The following NXN variants were observed in gnomAD, a reference collection of about 807,000 sequenced individuals.
NXN encodes the protein nucleoredoxin, also known as nucleoredoxin 1.
Under a neutral mutation model 48.6 loss-of-function variants are expected in NXN, and 16 were observed. The ratio of observed to expected loss-of-function variants is 0.33; its 90% CI spans 0.22 to 0.50. NXN has a LOEUF of 0.50. NXN is among the 20% of genes least tolerant of loss of function. The probability of loss-of-function intolerance (pLI) is 0.98; values close to 1 mark genes in which losing one functional copy is unlikely to be tolerated. For synonymous variants in NXN, 281 were observed against 269.6 expected (o/e 1.04, Z -0.41); for missense variants, 492 against 605.5 (o/e 0.81, Z 1.97).
At chr17:910,306 G>T (rs1295960272) in intron 1 of NXN, among the ~76,000 whole-genome samples, 1 of 151,992 alleles carries the variant, frequency 6.6e-6, no homozygotes, top group Admixed American at 6.6e-5. Flanking sequence ...CAGCTACTCA[G>T]AAGGCTGAGG....
At chr17:906,442 T>C (rs960766399) in intron 1 of NXN, among the ~76,000 whole-genome samples, 7 of 152,206 alleles carry the variant, frequency 4.6e-5, no homozygotes, top group African/African-American at 1.7e-4. Context: ...CACTTAACCT[T>C]CTTGAGCTTG....
At chr17:904,428 C>T (rs1176588129) in intron 1 of NXN, among the ~76,000 whole-genome samples, 1 of 101,842 alleles carries the variant, frequency 9.8e-6, no homozygotes, top group African/African-American at 3.8e-5. Flanking sequence ...GCCTCTTTTC[C>T]GAGGGCTGTA....
intron 1 of NXN, among the ~76,000 whole-genome samples, chr17:836,388 CGT>C (rs747844094): frequency 9.8e-5 from 15 of 152,328 alleles, no homozygotes; most frequent in Non-Finnish European, 2.1e-4. Flanking sequence ...CTCGGGCAAA[CGT>C]CACCCCTGCC....
At chr17:896,615 A>C (rs2068489175) in intron 1 of NXN, among the ~76,000 whole-genome samples, 1 of 152,248 alleles carries the variant, frequency 6.6e-6, no homozygotes, top group Non-Finnish European at 1.5e-5. Flanking sequence ...TCGTGTTTCA[A>C]CTTCGCTTTA....
chr17:896,600 C>T lies in NXN; in HGVS notation c.361-70522G>A, dbSNP rs114862326. 3.1e-3 allele frequency among the ~76,000 whole-genome samples: 478 copies of T among 152,314 alleles called. 3 individuals are homozygous for T. The highest frequency in any genetic ancestry group is 0.011 in the African/African-American group (458 of 41,566). On this transcript the variant is annotated intron_variant, in intron 1 of 7. Transcript: ENST00000336868. ...TATAAACTTACCAGACGTTAACTAT[C>T]GTCTTCGTGTTTCAACTTCGCTTTA...
chr17:965,154 GC>G (rs1229406586), intron 1 of NXN, among the ~76,000 whole-genome samples: 1 of 152,178 alleles, frequency 6.6e-6, no homozygotes, highest in Non-Finnish European at 1.5e-5. Context: ...CTCCACACAT[GC>G]CCAGCAGATA....
At chr17:946,271 C>T (rs1350401450) in intron 1 of NXN, among the ~76,000 whole-genome samples, 2 of 150,574 alleles carry the variant, frequency 1.3e-5, no homozygotes, top group Middle Eastern at 3.4e-3. Context: ...CGGGTTCAAG[C>T]GATTCTCCTG....
chr17:914,152 AGCCTCCC>A (rs2068662637), intron 1 of NXN, among the ~76,000 whole-genome samples: 1 of 48,568 alleles, frequency 2.1e-5, no homozygotes, highest in Non-Finnish European at 6.0e-5. Context: ...CACCTACCTC[AGCCTCCC>A]AAAGTGCTGG....
intron 5 of NXN, among the ~76,000 whole-genome samples, chr17:812,665 T>G (rs1567812503): frequency 7.0e-6 from 1 of 143,232 alleles, no homozygotes; most frequent in Non-Finnish European, 1.5e-5. Context: ...TGACTGTAGG[T>G]GTGTGTGAGT....
chr17:919,358 TCTCAAAA>T lies in NXN; in HGVS notation c.360+59954_360+59960del, dbSNP rs2068722212. ...AGCCTGGTGACAGAGTGAGACTCTG[TCTCAAAA>T]CAAAACAAAAAAAAGGTTCTGGAAT... is the stretch of plus-strand genomic sequence containing the variant. On this transcript the variant is annotated intron_variant, in intron 1 of 7. Coordinates refer to ENST00000336868, the MANE Select transcript of NXN (RefSeq NM_022463.5). This position sits in a 1 kb window ranked among gnomAD's most constrained non-coding sequence, Gnocchi z 5.1. 6.9e-6 allele frequency among the ~76,000 whole-genome samples: 1 copy of T among 144,106 alleles called. No individual in the cohort carries two copies. Among genetic ancestry groups the T allele is most frequent in the Admixed American group, 7.1e-5 (1 of 14,096 alleles). The allele number at this position is 144,106 out of a possible 152,430, so 94.5% of individuals were successfully genotyped here.
Position 941,405 on chromosome 17 carries a change from C to T in NXN, c.360+37914G>A, listed in dbSNP as rs536713593. Among the ~76,000 whole-genome samples, 9 of 147,434 alleles carry T rather than the reference C, an allele frequency of 6.1e-5. No individual in the cohort carries two copies. In the South Asian group the frequency reaches 1.7e-3, roughly 28 times the overall value. On this transcript the variant is annotated intron_variant, in intron 1 of 7. Transcript: ENST00000336868. Reference sequence around the variant, plus strand: ...CAGCCATGAATTCACCAAACACCTCCCTGGATTTACAGCGAACAAGATTCC... The same window carrying T: ...CAGCCATGAATTCACCAAACACCTCTCTGGATTTACAGCGAACAAGATTCC...
intron 1 of NXN, among the ~76,000 whole-genome samples, chr17:950,589 A>G (rs965531): frequency 0.043 from 6,415 of 149,090 alleles, 301 homozygotes; most frequent in African/African-American, 0.12. Flanking sequence ...GCAAACGGCC[A>G]GGCCAGCACA....
rs201744524 is a variant in NXN at position 937,227 on chromosome 17, G to C, written c.360+42092C>G. Among the ~76,000 whole-genome samples, 103 of 152,066 alleles carry C rather than the reference G, an allele frequency of 6.8e-4. 1 individual carries two copies. The East Asian group carries it at 0.015, about 22-fold the overall frequency. ...TCAAACTACTGAGCTCGGGTGATCC[G>C]CCCGCCTCGGCCTCCCAAGGTGCTG... On this transcript the variant is annotated intron_variant, in intron 1 of 7. Coordinates refer to ENST00000336868, the MANE Select transcript of NXN (RefSeq NM_022463.5).
At chr17:855,881 T>C (rs1460037113) in intron 1 of NXN, among the ~76,000 whole-genome samples, 1 of 151,890 alleles carries the variant, frequency 6.6e-6, no homozygotes, top group Non-Finnish European at 1.5e-5. Context: ...AGCCGGCCCC[T>C]GGGGGAGATG....
chr17:906,518 G>A lies in NXN; in HGVS notation c.360+72801C>T, dbSNP rs12603160. Among the ~76,000 whole-genome samples, 2,425 of 151,814 alleles carry A rather than the reference G, an allele frequency of 0.016. 137 individuals carry two copies. The East Asian group carries it at 0.21, about 13-fold the overall frequency. ...CAACTTCCTCACAAGGCTGTCTCGA[G>A]GCTCATGTATTATAATGCAGAAGGA... On this transcript the variant is annotated intron_variant, in intron 1 of 7. Transcript: ENST00000336868.
Position 979,615 on chromosome 17 carries a change from C to G in NXN, c.64G>C (p.Asp22His). ...CCGCGGGCGCCCAGCGAGTGCACGTCCACCTCCTCGCCGCCGCCCGTCACC... is the reference window on the plus strand; with the variant it reads ...CCGCGGGCGCCCAGCGAGTGCACGTGCACCTCCTCGCCGCCGCCCGTCACC... ...KLVTGGGEEV[D>H]VHSLGARGIS... The change falls in exon 1 of 8, where the codon GAC (aspartate) becomes CAC (histidine). Residue 22 changes from aspartate to histidine, a missense_variant. Asp to His is a moderately conservative substitution (Grantham distance 81). Transcript: ENST00000336868. 1 of 1,465,362 alleles carries G rather than the reference C, an allele frequency of 6.8e-7. No homozygotes were observed. Among genetic ancestry groups the G allele is most frequent in the Non-Finnish European group, 9.0e-7 (1 of 1,108,340 alleles). The allele number at this position is 1,465,362 out of a possible 1,614,324, so 90.8% of individuals were successfully genotyped here.
intron 1 of NXN, among the ~76,000 whole-genome samples, chr17:879,052 C>G (rs2068253052): frequency 6.6e-6 from 1 of 151,948 alleles, no homozygotes; most frequent in Admixed American, 6.5e-5. Flanking sequence ...CTAATCCCAG[C>G]TACTCGGGAG....
At chr17:828,103 T>C (rs1197017599) in intron 1 of NXN, among the ~76,000 whole-genome samples, 1 of 152,084 alleles carries the variant, frequency 6.6e-6, no homozygotes, top group African/African-American at 2.4e-5. Flanking sequence ...TCCAGTTTTT[T>C]TTGTTTTTTG....
At chr17:963,214 GACAC>G (rs58535607) in intron 1 of NXN, among the ~76,000 whole-genome samples, 282 of 142,870 alleles carry the variant, frequency 2.0e-3, no homozygotes, top group South Asian at 3.1e-3. Flanking sequence ...TACTGGGACG[GACAC>G]ACACACACAC....
Sources: gnomAD v4.1 joint callset for allele counts (sites outside exome capture counted in the v4.1 genomes callset) on GRCh38, gnomAD v4.1.1 for gene constraint, Gnocchi (gnomAD v3.1) non-coding constraint, MANE v1.5 for transcripts, NCBI Gene and HGNC (gene_info 2026-07-23, HGNC 2026-07-21) for gene names.